The following GPR89B variants were observed in gnomAD, a reference collection of about 807,000 sequenced individuals.
GPR89B encodes the protein golgi pH regulator B.
In GPR89B, 25 loss-of-function variants were observed where a neutral mutation model predicts 52.4. That is an observed-to-expected ratio of 0.48 (90% confidence interval 0.35 to 0.67). GPR89B has a LOEUF of 0.67. Among genes scored for constraint, GPR89B ranks in the 30% least tolerant of loss-of-function variants. The pLI, the probability that GPR89B is intolerant of heterozygous loss-of-function variation, is 0.01. For missense variants in GPR89B, 146 were observed against 450.2 expected, an observed-to-expected ratio of 0.32 and a Z score of 6.11; for synonymous variants, 52 against 151.2, an observed-to-expected ratio of 0.34 and a Z score of 4.81.
chr1:147,949,873 C>T (rs1339650176), intron 5 of GPR89B, among the ~76,000 whole-genome samples: 21 of 118,598 alleles, frequency 1.8e-4, no homozygotes, highest in African/African-American at 7.2e-5. Context: ...TAGGGGCGGC[C>T]GGGCAGAGGC....
chr1:147,955,328 A>C (rs1656039215), intron 7 of GPR89B, among the ~76,000 whole-genome samples: 1 of 152,082 alleles, frequency 6.6e-6, no homozygotes, highest in South Asian at 2.1e-4. Context: ...GATTGATACC[A>C]TAACTTGGCT....
At chr1:147,970,304 T>C (rs1407400388) in intron 10 of GPR89B, among the ~76,000 whole-genome samples, 1 of 152,014 alleles carries the variant, frequency 6.6e-6, no homozygotes, top group Non-Finnish European at 1.5e-5. Flanking sequence ...GAGAACAGCC[T>C]GGCCAACATG....
chr1:147,950,781 A>G (rs1553250911), intron 5 of GPR89B, among the ~76,000 whole-genome samples: 1 of 152,142 alleles, frequency 6.6e-6, no homozygotes, highest in Admixed American at 6.5e-5. Flanking sequence ...AAAAATACGA[A>G]AACCAGTCAG....
chr1:147,987,290 G>A (rs1225901080), intron 11 of GPR89B, among the ~76,000 whole-genome samples: 4 of 152,294 alleles, frequency 2.6e-5, no homozygotes, highest in South Asian at 2.1e-4. Context: ...TTGAGAGGCC[G>A]AGACAGATCA....
chr1:147,932,867 A>T (rs1338533212), intron 1 of GPR89B, among the ~76,000 whole-genome samples: 28 of 151,902 alleles, frequency 1.8e-4, no homozygotes, highest in Non-Finnish European at 2.6e-4. Context: ...AATAATATTT[A>T]AAAAAAAGCA....
the GPR89B span, chr1:148,005,525 G>A: frequency 1.2e-6 from 2 of 1,603,204 alleles, no homozygotes; most frequent in East Asian, 2.2e-5. Flanking sequence ...AGAGAGTAGG[G>A]GTAAACTCCA....
At chr1:147,940,808 T>A (rs1269589114) in intron 3 of GPR89B, among the ~76,000 whole-genome samples, 3 of 151,604 alleles carry the variant, frequency 2.0e-5, no homozygotes, top group African/African-American at 7.3e-5. Flanking sequence ...AAGCTATATT[T>A]ACTGTTTTTG....
intron 5 of GPR89B, among the ~76,000 whole-genome samples, chr1:147,949,818 C>G (rs1214588040): frequency 1.0e-4 from 15 of 145,748 alleles, no homozygotes; most frequent in Non-Finnish European, 2.2e-4. Context: ...GACCTCCCTC[C>G]CGGACGGGGC....
chr1:147,957,949 AGCTACTCGGGAGACTGAGGCAG>A (rs1340994144), intron 7 of GPR89B, among the ~76,000 whole-genome samples: 1 of 151,312 alleles, frequency 6.6e-6, no homozygotes, highest in Non-Finnish European at 1.5e-5. Flanking sequence ...CTGTAGTCCC[AGCTACTCGGGAGACTGAGGCAG>A]GAGAACGGTG....
Position 147,947,099 on chromosome 1 carries a change from C to T in GPR89B, c.415+3001C>T, listed in dbSNP as rs1206387826. On this transcript the variant is annotated intron_variant, in intron 5 of 13. Transcript: ENST00000314163. ...CCTATAATCCCAGCACTTTGGGAGG[C>T]CAAGGCAGGGATATCACTTGAGGCC... Among the ~76,000 whole-genome samples the T allele has an allele frequency of 4.0e-5, 6 of 151,880 alleles. No individual in the cohort carries two copies. The South Asian group carries it at 6.2e-4, about 16-fold the overall frequency.
Position 147,968,982 on chromosome 1 carries a change from G to A in GPR89B, c.816+19G>A. ...TACCAAGGTACAGAGCAAGGAAACTGAAGTGTGGTTTTTACCAATATTATT... is the reference window on the plus strand; with the variant it reads ...TACCAAGGTACAGAGCAAGGAAACTAAAGTGTGGTTTTTACCAATATTATT... On this transcript the variant is annotated intron_variant, in intron 9 of 13. Coordinates refer to ENST00000314163, the MANE Select transcript of GPR89B (RefSeq NM_016334.5). The A allele has an allele frequency of 6.4e-7, 1 of 1,572,972 alleles. No individual in the cohort carries two copies. The highest frequency in any genetic ancestry group is 8.7e-7 in the Non-Finnish European group (1 of 1,153,590).
the GPR89B span, chr1:148,009,232 G>C: frequency 7.9e-7 from 1 of 1,264,136 alleles, no homozygotes; most frequent in African/African-American, 1.5e-5. Context: ...GCTATCTATA[G>C]CAACTGAAAA....
the GPR89B span, chr1:148,010,678 A>C: frequency 1.3e-5 from 2 of 152,286 alleles, no homozygotes; most frequent in Admixed American, 1.3e-4. Context: ...TTTGGGAAAC[A>C]CCAAGGCATG....
the GPR89B span, among the ~76,000 whole-genome samples, chr1:148,019,335 G>A: frequency 6.6e-6 from 1 of 151,098 alleles, no homozygotes; most frequent in African/African-American, 2.5e-5. Context: ...AACACCGTGT[G>A]TTCTCACTTA....
chr1:147,981,078 A>G (rs1267933155), intron 10 of GPR89B, among the ~76,000 whole-genome samples: 3,382 of 151,732 alleles, frequency 0.022, 64 homozygotes, highest in Non-Finnish European at 0.035. Flanking sequence ...ATTCTTTTTC[A>G]TAGAGACGAG....
intron 5 of GPR89B, among the ~76,000 whole-genome samples, chr1:147,950,018 G>T (rs1406182798): frequency 6.9e-6 from 1 of 144,768 alleles, no homozygotes; most frequent in Non-Finnish European, 1.5e-5. Flanking sequence ...TGGCCGGGCG[G>T]GGGGCTGACC....
Position 147,969,978 on chromosome 1 carries a change from A to G in GPR89B, c.909+19A>G. ...TTTCATGGTAAGTATGTTATTTTTA[A>G]TTATCAGAGTTTAGATGTTTTTTCC... is the stretch of plus-strand genomic sequence containing the variant. On this transcript the variant is annotated intron_variant, in intron 10 of 13. Transcript: ENST00000314163. 1 of 1,265,014 alleles carries G rather than the reference A, an allele frequency of 7.9e-7. No individual in the cohort carries two copies. Among genetic ancestry groups the G allele is most frequent in the Non-Finnish European group, 1.1e-6 (1 of 933,330 alleles). 78.4% of individuals were successfully genotyped at this position (1,265,014 alleles called of 1,614,324 possible). A position where few individuals can be genotyped will look rare whatever the true frequency, so the allele number is the denominator to read the frequency against.
chr1:147,982,024 G>A (rs1248008601), intron 10 of GPR89B, among the ~76,000 whole-genome samples: 7 of 151,580 alleles, frequency 4.6e-5, no homozygotes, highest in Non-Finnish European at 1.0e-4. Flanking sequence ...GAATTGCTGT[G>A]TCATATGCTA....
chr1:148,018,305 G>C, the GPR89B span, among the ~76,000 whole-genome samples: 1 of 145,150 alleles, frequency 6.9e-6, no homozygotes, highest in Non-Finnish European at 1.5e-5. Flanking sequence ...TTTAGTCCCA[G>C]CTACTCCTGA....
Sources: allele counts gnomAD v4.1 joint callset (sites outside exome capture counted in the v4.1 genomes callset), GRCh38; gene constraint gnomAD v4.1.1; transcripts MANE v1.5; gene names NCBI Gene and HGNC (gene_info 2026-07-23, HGNC 2026-07-21).